SGCD: variants seen among roughly 807,000 people sequenced by gnomAD.
The protein encoded by SGCD is delta-sarcoglycan.
A neutral mutation model predicts 36.6 loss-of-function variants in SGCD; 18 were observed. That is an observed-to-expected ratio of 0.49 (90% CI 0.34 to 0.73). SGCD has a LOEUF of 0.73. SGCD is among the 30% of genes least tolerant of loss of function. The pLI is 0.01. For missense variants in SGCD, 387 were observed against 346.7 expected (o/e 1.12, Z -0.92); for synonymous variants, 133 against 130.6 (o/e 1.02, Z -0.12).
At chr5:155,790,119 T>C in the SGCD span, among the ~76,000 whole-genome samples, 1 of 152,096 alleles carries the variant, frequency 6.6e-6, no homozygotes, top group African/African-American at 2.4e-5. Flanking sequence ...ACAATTCAAA[T>C]GCTGAAACAA....
intron 1 of SGCD, among the ~76,000 whole-genome samples, chr5:155,919,734 G>A (rs1756830845): frequency 6.6e-6 from 1 of 152,048 alleles, no homozygotes; most frequent in Non-Finnish European, 1.5e-5. Flanking sequence ...TTTCTTTTCA[G>A]TATTTCTTCC....
At chr5:156,709,843 C>T (rs542399149) in intron 7 of SGCD, among the ~76,000 whole-genome samples, 9 of 138,646 alleles carry the variant, frequency 6.5e-5, no homozygotes, top group Admixed American at 3.7e-4. Context: ...TCCCCCCCGA[C>T]GCCGCCACCC....
the SGCD span, among the ~76,000 whole-genome samples, chr5:155,802,893 G>C: frequency 6.6e-6 from 1 of 152,176 alleles, no homozygotes; most frequent in South Asian, 2.1e-4. Flanking sequence ...TGAGGAATCA[G>C]TCTCCTTTGG....
chr5:156,492,612 C>T (rs973592991), intron 3 of SGCD, among the ~76,000 whole-genome samples: 5 of 152,144 alleles, frequency 3.3e-5, no homozygotes. Flanking sequence ...ATGTGCAGAA[C>T]ATGCAGGTTT....
intron 3 of SGCD, among the ~76,000 whole-genome samples, chr5:156,237,369 A>C (rs1468140397): frequency 4.6e-5 from 7 of 152,078 alleles, no homozygotes; most frequent in Non-Finnish European, 1.0e-4. Context: ...TCATGCCTGT[A>C]ATCTCAGCAC....
chr5:156,178,890 T>C (rs1462222965), intron 3 of SGCD, among the ~76,000 whole-genome samples: 2 of 152,202 alleles, frequency 1.3e-5, no homozygotes, highest in Admixed American at 6.5e-5. Flanking sequence ...ATTGCCAATA[T>C]ATGTTGTTTG....
At chr5:156,485,853 A>T (rs528516248) in intron 3 of SGCD, among the ~76,000 whole-genome samples, 6 of 152,206 alleles carry the variant, frequency 3.9e-5, no homozygotes, top group African/African-American at 1.4e-4. Flanking sequence ...TCCAGCTGAG[A>T]TCAGTTCAGA....
At chr5:156,210,464 A>T (rs1172986470) in intron 3 of SGCD, among the ~76,000 whole-genome samples, 1 of 152,172 alleles carries the variant, frequency 6.6e-6, no homozygotes, top group Non-Finnish European at 1.5e-5. Flanking sequence ...GCTGACCCCT[A>T]AGAAATAGAG....
At chr5:155,786,908 T>G in the SGCD span, among the ~76,000 whole-genome samples, 1 of 152,152 alleles carries the variant, frequency 6.6e-6, no homozygotes, top group Admixed American at 6.5e-5. Flanking sequence ...TTGCCCACTT[T>G]GAGAACATTA....
intron 4 of SGCD, 130 bp from the exon 5 acceptor site, chr5:156,589,101 G>A (rs1201187830): frequency 1.6e-6 from 1 of 619,992 alleles, no homozygotes; most frequent in Non-Finnish European, 2.9e-6. Context: ...AACATTTGGA[G>A]TTTTTGAGTA....
At chr5:155,915,315 T>A (rs748841197) in intron 1 of SGCD, among the ~76,000 whole-genome samples, 5 of 152,168 alleles carry the variant, frequency 3.3e-5, no homozygotes, top group Non-Finnish European at 5.9e-5. Context: ...AGTAAGGTTT[T>A]TCGTTCCCCA....
chr5:156,690,439 A>G (rs981686556), intron 7 of SGCD, among the ~76,000 whole-genome samples: 4 of 152,168 alleles, frequency 2.6e-5, no homozygotes, highest in African/African-American at 9.7e-5. Flanking sequence ...AAGGGAATAG[A>G]AAGAGGTGGT....
At chr5:156,529,720 C>T (rs575573840) in intron 4 of SGCD, among the ~76,000 whole-genome samples, 154 of 152,222 alleles carry the variant, frequency 1.0e-3, no homozygotes, top group Admixed American at 1.4e-3. Context: ...GCTGAAAAAA[C>T]TTTTTTGCCA....
intron 3 of SGCD, among the ~76,000 whole-genome samples, chr5:156,380,582 C>T (rs1163669506): frequency 6.6e-6 from 1 of 152,182 alleles, no homozygotes; most frequent in Non-Finnish European, 1.5e-5. Context: ...GTAGTGATGC[C>T]TGAGTGGCAG....
At chr5:156,568,083 G>A (rs1317193857) in intron 4 of SGCD, among the ~76,000 whole-genome samples, 1 of 152,158 alleles carries the variant, frequency 6.6e-6, no homozygotes, top group Non-Finnish European at 1.5e-5. Context: ...GCTTCTAAGA[G>A]GTAGGGATAA....
chr5:156,623,342 A>T (rs565985383), intron 6 of SGCD, among the ~76,000 whole-genome samples: 1 of 152,176 alleles, frequency 6.6e-6, no homozygotes, highest in Non-Finnish European at 1.5e-5. Context: ...TCAGCCAGGG[A>T]TGGGTTGGAC....
At chr5:156,374,137 ATG>A (rs1320636698) in intron 3 of SGCD, among the ~76,000 whole-genome samples, 2 of 131,324 alleles carry the variant, frequency 1.5e-5, no homozygotes, top group Non-Finnish European at 3.2e-5. Context: ...AGCTAAGAAA[ATG>A]TTCAAAATAC....
In SGCD at chr5:156,765,406, G is replaced by T. The variant is rs764539028; in HGVS notation, c.*6016G>T. 1.3e-5 allele frequency: 2 copies of T among 152,134 alleles called. No individual in the cohort carries two copies. The highest frequency in any genetic ancestry group is 2.9e-5 in the Non-Finnish European group (2 of 67,996). 9.4% of individuals were successfully genotyped at this position (152,134 alleles called of 1,614,324 possible). A position where few individuals can be genotyped will look rare whatever the true frequency, so the allele number is the denominator to read the frequency against. Reference sequence around the variant, plus strand: ...TCATGGGGTTCTAACATTTTGGGGGGCCATAGATTCTTTTGACAATCTGAG... The same window carrying T: ...TCATGGGGTTCTAACATTTTGGGGGTCCATAGATTCTTTTGACAATCTGAG... On this transcript the variant is annotated 3_prime_UTR_variant, in exon 9 of 9. Transcript: ENST00000337851.
At chr5:156,386,191 G>A (rs1411752833) in intron 3 of SGCD, among the ~76,000 whole-genome samples, 1 of 152,176 alleles carries the variant, frequency 6.6e-6, no homozygotes, top group African/African-American at 2.4e-5. Flanking sequence ...AGATTGTGTG[G>A]TCAGCAGTGT....
Sources: allele counts gnomAD v4.1 joint callset (sites outside exome capture counted in the v4.1 genomes callset), GRCh38; gene constraint gnomAD v4.1.1; transcripts MANE v1.5; gene names NCBI Gene and HGNC (gene_info 2026-07-23, HGNC 2026-07-21).